The following PTPN4 variants were observed in gnomAD, a reference collection of about 807,000 sequenced individuals.
PTPN4 encodes the protein tyrosine-protein phosphatase non-receptor type 4.
PTPN4 carries 49 observed loss-of-function variants against 135.5 expected under a neutral mutation model. The ratio of observed to expected loss-of-function variants is 0.36; its 90% CI spans 0.29 to 0.46. The LOEUF (loss-of-function observed/expected upper bound fraction) is 0.46, where lower values mean the gene tolerates loss of function less well. PTPN4 is among the 20% of genes least tolerant of loss of function. The probability of loss-of-function intolerance (pLI) is 1.00; values close to 1 mark genes in which losing one functional copy is unlikely to be tolerated. For synonymous variants in PTPN4, 333 were observed against 369.9 expected (o/e 0.90, Z 1.14); for missense variants, 860 against 1,101.0 (o/e 0.78, Z 3.10).
chr2:119,947,295 T>C (rs940516655), intron 18 of PTPN4, among the ~76,000 whole-genome samples: 6 of 152,196 alleles, frequency 3.9e-5, no homozygotes, highest in Admixed American at 3.3e-4. Context: ...ACCAGCAGCC[T>C]GAGAGAGGGA....
intron 2 of PTPN4, among the ~76,000 whole-genome samples, chr2:119,850,667 TGA>T (rs1308748814): frequency 1.3e-5 from 2 of 152,234 alleles, no homozygotes; most frequent in Non-Finnish European, 2.9e-5. Context: ...CTGATTTTAC[TGA>T]GATTGAGTAG....
intron 2 of PTPN4, among the ~76,000 whole-genome samples, chr2:119,825,072 T>C (rs573615792): frequency 1.3e-5 from 2 of 152,352 alleles, no homozygotes; most frequent in South Asian, 2.1e-4. Context: ...TATATACTTA[T>C]TTCTATAAAC....
chr2:119,781,703 A>G (rs948274433), intron 1 of PTPN4, among the ~76,000 whole-genome samples: 2 of 152,242 alleles, frequency 1.3e-5, no homozygotes, highest in Non-Finnish European at 2.9e-5. Context: ...TTCATGACCC[A>G]TGAAAATTAC....
rs143384671 is a variant in PTPN4, at chr2:119,857,295, C to T, written c.139-5241C>T. Among the ~76,000 whole-genome samples the T allele has an allele frequency of 4.3e-3, 653 of 152,192 alleles. 5 individuals carry two copies. Among genetic ancestry groups the T allele is most frequent in the African/African-American group, 0.014 (571 of 41,502 alleles). On this transcript the variant is annotated intron_variant, in intron 2 of 26. Coordinates refer to ENST00000263708, the MANE Select transcript of PTPN4 (RefSeq NM_002830.4). Reference sequence around the variant, plus strand: ...CCTGTAATCCCAGCACTTTGGGAGGCCAAGGCGGGCGGATTGCCTGAGGTC... The same window carrying T: ...CCTGTAATCCCAGCACTTTGGGAGGTCAAGGCGGGCGGATTGCCTGAGGTC...
intron 1 of PTPN4, among the ~76,000 whole-genome samples, chr2:119,785,206 T>C (rs778389992): frequency 4.6e-5 from 7 of 152,200 alleles, no homozygotes; most frequent in Non-Finnish European, 8.8e-5. Flanking sequence ...GAGGACAAAC[T>C]TGCCCCTGTT....
At chr2:119,786,186 GTATT>G (rs1691044649) in intron 1 of PTPN4, among the ~76,000 whole-genome samples, 1 of 152,144 alleles carries the variant, frequency 6.6e-6, no homozygotes, top group African/African-American at 2.4e-5. Flanking sequence ...ATGAGAGTGA[GTATT>G]TAGTATTAGT....
At chr2:119,849,117 C>G (rs902779393) in intron 2 of PTPN4, among the ~76,000 whole-genome samples, 1 of 152,118 alleles carries the variant, frequency 6.6e-6, no homozygotes, top group African/African-American at 2.4e-5. Context: ...TTCATTACCT[C>G]TTTAAGCATG....
chr2:119,765,941 C>T (rs532153911), intron 1 of PTPN4, among the ~76,000 whole-genome samples: 5 of 149,106 alleles, frequency 3.4e-5, no homozygotes, highest in Non-Finnish European at 6.0e-5. Flanking sequence ...TGTGCGCGCG[C>T]GCATGTGCGT....
At chr2:119,825,888 A>G (rs1443997952) in intron 2 of PTPN4, among the ~76,000 whole-genome samples, 3 of 152,200 alleles carry the variant, frequency 2.0e-5, no homozygotes, top group African/African-American at 7.2e-5. Context: ...TCTATATGTC[A>G]TTGTGAAAAG....
At chr2:119,956,706 T>A in intron 20 of PTPN4, 138 bp from the exon 21 acceptor site, 1 of 1,397,814 alleles carries the variant, frequency 7.2e-7, no homozygotes, top group Non-Finnish European at 9.6e-7. Flanking sequence ...TCTACTAGAC[T>A]ATGGTATATC....
At chr2:119,937,383 A>G (rs2105041572) in intron 15 of PTPN4, among the ~76,000 whole-genome samples, 1 of 152,262 alleles carries the variant, frequency 6.6e-6, no homozygotes, top group South Asian at 2.1e-4. Flanking sequence ...TCATCTTACC[A>G]ATTATTTATT....
intron 3 of PTPN4, 92 bp from the exon 4 acceptor site, chr2:119,877,231 A>G: frequency 1.4e-6 from 2 of 1,385,276 alleles, no homozygotes; most frequent in Non-Finnish European, 2.0e-6. Flanking sequence ...TGCAGCTTTT[A>G]GCATTAATCT....
chr2:119,810,072 A>C, intron 2 of PTPN4, 81 bp downstream of exon 2: 6 of 1,422,840 alleles, frequency 4.2e-6, no homozygotes, highest in Non-Finnish European at 5.7e-6. Flanking sequence ...GGATTATTAA[A>C]TTATAGTACA....
At chr2:119,959,599 G>A (rs1022830232) in intron 22 of PTPN4, among the ~76,000 whole-genome samples, 4 of 152,246 alleles carry the variant, frequency 2.6e-5, no homozygotes, top group African/African-American at 9.6e-5. Flanking sequence ...CAGTGAGTGG[G>A]AGGGTGTAGA....
intron 9 of PTPN4, among the ~76,000 whole-genome samples, chr2:119,896,627 G>A (rs1315516008): frequency 6.6e-6 from 1 of 152,128 alleles, no homozygotes; most frequent in Non-Finnish European, 1.5e-5. Context: ...ATTGGAAGCA[G>A]CAAAATGGAG....
At position 119,964,658 on chromosome 2, in the gene PTPN4, C is replaced by G. The variant is rs368484554; in HGVS notation, c.2410-839C>G. On this transcript the variant is annotated intron_variant, in intron 24 of 26. Coordinates refer to ENST00000263708, the MANE Select transcript of PTPN4 (RefSeq NM_002830.4). ...TGATTATCATCTTTAAAATACTTTA[C>G]ACATATAGAAATTGAGTTATAAAAA... Among the ~76,000 whole-genome samples the G allele has an allele frequency of 7.9e-5, 12 of 152,142 alleles. No homozygotes were observed. In the South Asian group the frequency reaches 2.3e-3, roughly 29 times the overall value.
At chr2:119,843,631 C>A (rs1313899453) in intron 2 of PTPN4, among the ~76,000 whole-genome samples, 2 of 89,154 alleles carry the variant, frequency 2.2e-5, no homozygotes, top group African/African-American at 5.4e-5. Context: ...TGACCCCCCC[C>A]ACCTTCCCTC....
chr2:119,935,847 T>C (rs1404300028), intron 15 of PTPN4, among the ~76,000 whole-genome samples: 1 of 152,184 alleles, frequency 6.6e-6, no homozygotes, highest in Non-Finnish European at 1.5e-5. Context: ...TACATACTTC[T>C]GTGACATAAA....
intron 1 of PTPN4, among the ~76,000 whole-genome samples, chr2:119,803,160 A>G (rs577759416): frequency 6.6e-6 from 1 of 151,860 alleles, no homozygotes; most frequent in South Asian, 2.1e-4. Flanking sequence ...GATTTTCTCT[A>G]TTTTTATTTT....
Sources: gnomAD v4.1 joint callset for allele counts (sites outside exome capture counted in the v4.1 genomes callset) on GRCh38, gnomAD v4.1.1 for gene constraint, MANE v1.5 for transcripts, NCBI Gene and HGNC (gene_info 2026-07-23, HGNC 2026-07-21) for gene names.